The following TMTC2 variants were observed in gnomAD, a reference collection of about 807,000 sequenced individuals.
TMTC2 encodes the protein transmembrane O-mannosyltransferase targeting cadherins 2, also known as protein O-mannosyl-transferase TMTC2.
TMTC2 carries 43 observed loss-of-function variants against 82.4 expected under a neutral mutation model. That is an observed-to-expected ratio of 0.52 (90% CI 0.41 to 0.67). The LOEUF (loss-of-function observed/expected upper bound fraction) is 0.67. Among genes scored for constraint, TMTC2 ranks in the 30% least tolerant of loss-of-function variants. TMTC2 has a pLI of 0.00. For synonymous variants in TMTC2, 408 were observed against 381.9 expected, an observed-to-expected ratio of 1.07 and a Z score of -0.80; for missense variants, 919 against 1,012.4, an observed-to-expected ratio of 0.91 and a Z score of 1.25.
intron 11 of TMTC2, among the ~76,000 whole-genome samples, chr12:83,078,853 A>G (rs1472945727): frequency 6.6e-6 from 1 of 152,172 alleles, no homozygotes; most frequent in African/African-American, 2.4e-5. Context: ...AGTAAATAAC[A>G]GGCTAAGGAG....
chr12:83,107,523 C>T (rs1455921287), intron 11 of TMTC2, among the ~76,000 whole-genome samples: 1 of 152,150 alleles, frequency 6.6e-6, no homozygotes, highest in Non-Finnish European at 1.5e-5. Flanking sequence ...TGATTCAGAC[C>T]TTATCTAATC....
intron 1 of TMTC2, among the ~76,000 whole-genome samples, chr12:82,708,541 A>G (rs1043832725): frequency 6.6e-6 from 1 of 152,208 alleles, no homozygotes; most frequent in Admixed American, 6.5e-5. Flanking sequence ...AACTAATCCT[A>G]TCTGAGTGTG....
intron 2 of TMTC2, among the ~76,000 whole-genome samples, chr12:82,863,895 G>T (rs2137124680): frequency 6.6e-6 from 1 of 152,278 alleles, no homozygotes; most frequent in African/African-American, 2.4e-5. Flanking sequence ...TTCAAGCTGG[G>T]AAGTGGTGAG....
At chr12:83,026,069 C>A (rs1350542547) in intron 8 of TMTC2, among the ~76,000 whole-genome samples, 1 of 152,092 alleles carries the variant, frequency 6.6e-6, no homozygotes, top group Non-Finnish European at 1.5e-5. Flanking sequence ...TTCTCCTCTT[C>A]CCGGAGAATT....
At chr12:82,696,785 G>C (rs1872809195) in intron 1 of TMTC2, among the ~76,000 whole-genome samples, 1 of 152,014 alleles carries the variant, frequency 6.6e-6, no homozygotes, top group South Asian at 2.1e-4. Context: ...CTGGCAAGGA[G>C]TTTTAGACCT....
chr12:82,791,451 A>G (rs1223033701), intron 1 of TMTC2, among the ~76,000 whole-genome samples: 1 of 152,142 alleles, frequency 6.6e-6, no homozygotes, highest in Non-Finnish European at 1.5e-5. Flanking sequence ...AATCAGACCT[A>G]CTACTAACTA....
intron 1 of TMTC2, among the ~76,000 whole-genome samples, chr12:82,776,780 A>G (rs1877626063): frequency 2.6e-5 from 4 of 152,076 alleles, no homozygotes; most frequent in African/African-American, 9.7e-5. Context: ...TCAAAACAAA[A>G]ACATTACTTT....
At chr12:82,815,684 C>G (rs1409263869) in intron 1 of TMTC2, among the ~76,000 whole-genome samples, 1 of 151,414 alleles carries the variant, frequency 6.6e-6, no homozygotes, top group Non-Finnish European at 1.5e-5. Context: ...TTATTTTATC[C>G]CAGTAAGAAG....
chr12:82,896,438 T>C lies in TMTC2; in HGVS notation c.1275T>C (p.Tyr425=), dbSNP rs768850485. 5.6e-6 allele frequency: 9 copies of C among 1,614,092 alleles called. No homozygotes were observed. In the East Asian group the frequency reaches 1.8e-4, roughly 32 times the overall value. The change falls in exon 3 of 12, where the codon TAT becomes TAC. Residue 425 remains tyrosine, a synonymous_variant. Transcript: ENST00000321196. ...TTGTAATTGCAGAGCGAGTATTATA[T>C]ATTCCTAGTATGGGCTTCTGCCTAC... is the stretch of plus-strand genomic sequence containing the variant. ...VGFVIAERVL[Y]IPSMGFCLLI...
intron 11 of TMTC2, among the ~76,000 whole-genome samples, chr12:83,082,082 C>A (rs1883491435): frequency 1.3e-5 from 2 of 152,036 alleles, no homozygotes; most frequent in South Asian, 4.1e-4. Flanking sequence ...TACTTTTAGC[C>A]CTTAATATTA....
intron 1 of TMTC2, among the ~76,000 whole-genome samples, chr12:82,778,939 A>G: frequency 6.9e-6 from 1 of 144,792 alleles, no homozygotes. Context: ...TGGGAGGCTG[A>G]GGCAGGAAAA....
chr12:83,024,770 GA>G (rs1881088590), intron 8 of TMTC2, among the ~76,000 whole-genome samples: 1 of 152,172 alleles, frequency 6.6e-6, no homozygotes, highest in Non-Finnish European at 1.5e-5. Flanking sequence ...TATCATTTTA[GA>G]AACCTTAGCT....
At chr12:82,997,412 G>GTATATATATATATGTGTATA (rs1555204079) in intron 8 of TMTC2, among the ~76,000 whole-genome samples, 1 of 35,248 alleles carries the variant, frequency 2.8e-5, no homozygotes, top group African/African-American at 6.8e-5. Flanking sequence ...ATATATATGT[G>GTATATATATATATGTGTATA]TATATATATA....
intron 1 of TMTC2, among the ~76,000 whole-genome samples, chr12:82,768,882 T>A (rs1877130506): frequency 6.6e-6 from 1 of 152,000 alleles, no homozygotes; most frequent in South Asian, 2.1e-4. Flanking sequence ...GTGGCAAGAT[T>A]GTGACAATTG....
intron 11 of TMTC2, among the ~76,000 whole-genome samples, chr12:83,101,023 T>C (rs561183737): frequency 6.6e-6 from 1 of 152,342 alleles, no homozygotes; most frequent in South Asian, 2.1e-4. Context: ...CTATAAACAA[T>C]ATTGATCACA....
intron 4 of TMTC2, among the ~76,000 whole-genome samples, chr12:82,938,075 G>A (rs914335577): frequency 1.3e-5 from 2 of 151,254 alleles, no homozygotes; most frequent in African/African-American, 2.4e-5. Context: ...CACCACACCC[G>A]GCTAATTTTT....
intron 9 of TMTC2, among the ~76,000 whole-genome samples, chr12:83,041,769 G>T (rs1268368798): frequency 1.3e-5 from 2 of 152,080 alleles, no homozygotes; most frequent in Non-Finnish European, 2.9e-5. Context: ...GAAAATTAAT[G>T]GATTGTTTCC....
At chr12:82,793,446 T>C (rs1315698928) in intron 1 of TMTC2, among the ~76,000 whole-genome samples, 1 of 151,908 alleles carries the variant, frequency 6.6e-6, no homozygotes, top group East Asian at 1.9e-4. Context: ...TAGTAAGTTC[T>C]AAGAAACATT....
chr12:83,117,136 C>T (rs1412116363), intron 11 of TMTC2, among the ~76,000 whole-genome samples: 1 of 152,124 alleles, frequency 6.6e-6, no homozygotes, highest in Non-Finnish European at 1.5e-5. Flanking sequence ...GTTTTATTCT[C>T]TTACGTGTGG....
Sources: allele counts gnomAD v4.1 joint callset (sites outside exome capture counted in the v4.1 genomes callset), GRCh38; gene constraint gnomAD v4.1.1; transcripts MANE v1.5; gene names NCBI Gene and HGNC (gene_info 2026-07-23, HGNC 2026-07-21).